ZNF385A: variants seen among roughly 807,000 people sequenced by gnomAD.
ZNF385A encodes hematopoietic zinc finger protein.
A neutral mutation model predicts 32.1 loss-of-function variants in ZNF385A; 14 were observed. The ratio of observed to expected loss-of-function variants is 0.44; its 90% CI spans 0.29 to 0.68. ZNF385A has a LOEUF of 0.68. Ranked by LOEUF, ZNF385A falls within the 30% of genes least tolerant of loss-of-function variation. The pLI, the probability that ZNF385A is intolerant of heterozygous loss-of-function variation, is 0.14. For synonymous variants in ZNF385A, 197 were observed against 202.7 expected, an observed-to-expected ratio of 0.97 and a Z score of 0.24; for missense variants, 406 against 478.4, an observed-to-expected ratio of 0.85 and a Z score of 1.41.
At chr12:54,374,195 C>CAT in intron 2 of ZNF385A, 60 bp from the exon 3 acceptor site, 1 of 1,358,380 alleles carries the variant, frequency 7.4e-7, no homozygotes, top group African/African-American at 1.8e-5. Context: ...CCGATCTCCC[C>CAT]ACAGAGCTCC....
At chr12:54,379,166 C>A in intron 1 of ZNF385A, 1 of 980,000 alleles carries the variant, frequency 1.0e-6, no homozygotes, top group African/African-American at 1.8e-5. Flanking sequence ...ACGCGGCGCT[C>A]GTTGCCCGGG....
chr12:54,379,562 G>A (rs1386615909), intron 1 of ZNF385A, among the ~76,000 whole-genome samples: 1 of 152,016 alleles, frequency 6.6e-6, no homozygotes, highest in Non-Finnish European at 1.5e-5. Flanking sequence ...AGAGTCCCCA[G>A]ACGACCCTTC....
intron 1 of ZNF385A, chr12:54,391,170 G>T: frequency 6.9e-7 from 1 of 1,457,824 alleles, no homozygotes; most frequent in Non-Finnish European, 9.1e-7. Context: ...GGTGGAGGGG[G>T]GCGGTGGGTG....
At chr12:54,388,122 G>T (rs1029802828), upstream of ZNF385A, among the ~76,000 whole-genome samples, 1 of 151,682 alleles carries the variant, frequency 6.6e-6, no homozygotes, top group South Asian at 2.1e-4. Flanking sequence ...GCTGAGGCCT[G>T]GCTGGGGCAG....
chr12:54,370,441 C>T lies in ZNF385A; in HGVS notation c.916G>A (p.Gly306Ser), dbSNP rs1954463485. 1 of 1,550,296 alleles carries T rather than the reference C, an allele frequency of 6.5e-7. No individual in the cohort carries two copies. Among genetic ancestry groups the T allele is most frequent in the Admixed American group, 2.0e-5 (1 of 50,854 alleles). ...ACCGCCAGGGGGCTGGGGAGCAGGCCGCCCGCCAGGGACTTGGGCAGCTCC... is the reference window on the plus strand; with the variant it reads ...ACCGCCAGGGGGCTGGGGAGCAGGCTGCCCGCCAGGGACTTGGGCAGCTCC... The part of the protein sequence containing the change: ...SKELPKSLAG[G>S]LLPSPLAVAA... The change falls in exon 7 of 7, where the codon GGC (glycine) becomes AGC (serine). Residue 306 changes from glycine to serine, a missense_variant. Coordinates refer to ENST00000394313, the MANE Select transcript of ZNF385A (RefSeq NM_015481.3). The surrounding 1 kb of genome is among the most constrained non-coding windows in gnomAD (Gnocchi z 5.5).
chr12:54,371,610 C>T lies in ZNF385A; in HGVS notation c.467G>A (p.Gly156Asp), dbSNP rs770462232. The T allele has an allele frequency of 2.5e-6, 4 of 1,613,326 alleles. No homozygotes were observed. Among genetic ancestry groups the T allele is most frequent in the Non-Finnish European group, 3.4e-6 (4 of 1,179,678 alleles). ...IPETGQGVTK[G>D]EGGTPAPASL... Reference sequence around the variant, plus strand: ...AGCCGGGGCTGGAGTCCCCCCTTCACCCTTGGTTACACCCTGACCAGTCTC... The same window carrying T: ...AGCCGGGGCTGGAGTCCCCCCTTCATCCTTGGTTACACCCTGACCAGTCTC... The change falls in exon 4 of 7, where the codon GGT (glycine) becomes GAT (aspartate). Residue 156 changes from glycine to aspartate, a missense_variant. Transcript: ENST00000394313.
intron 1 of ZNF385A, among the ~76,000 whole-genome samples, chr12:54,390,148 C>A (rs1955597588): frequency 6.6e-6 from 1 of 152,052 alleles, no homozygotes; most frequent in African/African-American, 2.4e-5. Flanking sequence ...CGGTTGGGGG[C>A]AGGGAGACCA....
chr12:54,377,768 G>C (rs1312012406), intron 1 of ZNF385A, among the ~76,000 whole-genome samples: 2 of 152,034 alleles, frequency 1.3e-5, no homozygotes. Flanking sequence ...CTCAGCCCTG[G>C]GCTTCCTCAC....
intron 1 of ZNF385A, chr12:54,379,076 C>T (rs1954996971): frequency 1.0e-6 from 1 of 983,072 alleles, no homozygotes; most frequent in Non-Finnish European, 1.2e-6. Flanking sequence ...CCTGCGAGAC[C>T]CTGGGGGCCG....
chr12:54,391,208 G>C, intron 1 of ZNF385A: 3 of 1,474,646 alleles, frequency 2.0e-6, no homozygotes, highest in Non-Finnish European at 2.7e-6. Context: ...CAGGAGCCGG[G>C]AGCCTGGAGT....
chr12:54,379,445 C>A (rs1955026482), intron 1 of ZNF385A, among the ~76,000 whole-genome samples: 1 of 152,060 alleles, frequency 6.6e-6, no homozygotes, highest in Non-Finnish European at 1.5e-5. Context: ...GTTGCCTCCA[C>A]TGGGGCTCCT....
chr12:54,385,451 C>T (rs1028751132), upstream of ZNF385A, among the ~76,000 whole-genome samples: 2 of 152,212 alleles, frequency 1.3e-5, no homozygotes, highest in Non-Finnish European at 2.9e-5. Context: ...CCCTTCTGGG[C>T]TTCCACTGGC....
intron 1 of ZNF385A, among the ~76,000 whole-genome samples, chr12:54,379,998 C>T (rs1955065065): frequency 6.6e-6 from 1 of 152,172 alleles, no homozygotes; most frequent in Admixed American, 6.5e-5. Flanking sequence ...AAGGCAGAGA[C>T]ATTAGTGAAG....
chr12:54,380,460 C>T (rs1380849072), intron 1 of ZNF385A, among the ~76,000 whole-genome samples: 4 of 152,198 alleles, frequency 2.6e-5, no homozygotes, highest in East Asian at 1.9e-4. Flanking sequence ...TCCAAAGCCA[C>T]GTACTTAACT....
intron 3 of ZNF385A, among the ~76,000 whole-genome samples, chr12:54,372,189 T>C (rs79950809): frequency 1.7e-3 from 259 of 152,198 alleles, no homozygotes; most frequent in Non-Finnish European, 3.0e-3. Flanking sequence ...AAAAGGGAAA[T>C]AGAAACATCA....
chr12:54,379,565 G>A (rs1181222970), intron 1 of ZNF385A, among the ~76,000 whole-genome samples: 2 of 151,954 alleles, frequency 1.3e-5, no homozygotes, highest in East Asian at 3.9e-4. Flanking sequence ...GTCCCCAGAC[G>A]ACCCTTCCCC....
chr12:54,388,401 C>T (rs1388487899), upstream of ZNF385A, among the ~76,000 whole-genome samples: 1 of 152,190 alleles, frequency 6.6e-6, no homozygotes, highest in African/African-American at 2.4e-5. Context: ...TCCTTTCCCT[C>T]TTCCCTAGAA....
At chr12:54,384,793 C>G (rs1019119517), upstream of ZNF385A, 17 of 1,234,564 alleles carry the variant, frequency 1.4e-5, no homozygotes, top group East Asian at 4.2e-4. Context: ...GTTTTCACTT[C>G]CCCCTTTTCC....
chr12:54,379,244 G>A, intron 1 of ZNF385A: 2 of 977,356 alleles, frequency 2.0e-6, no homozygotes, highest in South Asian at 4.7e-5. Flanking sequence ...GCCGGAGCCC[G>A]CCCCGGAGGC....
Sources: gnomAD v4.1 joint callset for allele counts (sites outside exome capture counted in the v4.1 genomes callset) on GRCh38, gnomAD v4.1.1 for gene constraint, Gnocchi (gnomAD v3.1) non-coding constraint, MANE v1.5 for transcripts, NCBI Gene and HGNC (gene_info 2026-07-23, HGNC 2026-07-21) for gene names.